Variants in FNBP1L observed in about 807,000 individuals in gnomAD.
FNBP1L encodes the protein formin-binding protein 1-like.
A neutral mutation model predicts 91.2 loss-of-function variants in FNBP1L; 36 were observed. The ratio of observed to expected loss-of-function variants is 0.39; its 90% CI spans 0.30 to 0.52. The LOEUF (loss-of-function observed/expected upper bound fraction) is 0.52. Among genes scored for constraint, FNBP1L ranks in the 20% least tolerant of loss-of-function variants. The pLI is 0.66. For synonymous variants in FNBP1L, 242 were observed against 237.0 expected (o/e 1.02, Z -0.19); for missense variants, 571 against 732.1 (o/e 0.78, Z 2.54).
intron 2 of FNBP1L, among the ~76,000 whole-genome samples, chr1:93,512,349 A>G (rs1670885514): frequency 6.6e-6 from 1 of 151,862 alleles, no homozygotes; most frequent in African/African-American, 2.4e-5. Context: ...CACTGTCAAC[A>G]TTAGACAAAT....
intron 1 of FNBP1L, among the ~76,000 whole-genome samples, chr1:93,471,933 G>A (rs1207242868): frequency 6.6e-6 from 1 of 152,146 alleles, no homozygotes; most frequent in Non-Finnish European, 1.5e-5. Context: ...GTGGGCAGCA[G>A]TTTATAGTTT....
In FNBP1L at chr1:93,499,497, A is replaced by T. The variant is rs1411102289; in HGVS notation, c.54A>T (p.Thr18=). The part of the protein sequence containing the change: ...WDQFDSLDKH[T]QWGIDFLERY... The stretch of plus-strand genomic sequence containing the variant: ...AGTTCGACAGCTTAGACAAGCATAC[A>T]CAATGGGGAATTGACTTCTTGGAAA... Residue 18 remains threonine (T), a synonymous_variant, in exon 2 of 17, where the codon ACA becomes ACT. Coordinates refer to ENST00000271234, the MANE Select transcript of FNBP1L (RefSeq NM_001164473.3). The T allele has an allele frequency of 1.9e-6, 3 of 1,604,256 alleles. No individual in the cohort carries two copies. Among genetic ancestry groups the T allele is most frequent in the Non-Finnish European group, 8.5e-7 (1 of 1,175,540 alleles).
At chr1:93,452,657 G>T (rs1449891880) in intron 1 of FNBP1L, among the ~76,000 whole-genome samples, 1 of 152,172 alleles carries the variant, frequency 6.6e-6, no homozygotes, top group African/African-American at 2.4e-5. Flanking sequence ...TGAACTCTGT[G>T]CTCCACAATC....
At chr1:93,498,987 C>A (rs1401948867) in intron 1 of FNBP1L, among the ~76,000 whole-genome samples, 1 of 152,080 alleles carries the variant, frequency 6.6e-6, no homozygotes, top group Non-Finnish European at 1.5e-5. Context: ...CACTGAGTAC[C>A]TGCTATGGTG....
At chr1:93,464,646 CCAAA>C (rs1321494553) in intron 1 of FNBP1L, among the ~76,000 whole-genome samples, 3 of 152,070 alleles carry the variant, frequency 2.0e-5, no homozygotes, top group East Asian at 3.8e-4. Context: ...TTGTTCTTTT[CCAAA>C]CAGTCAATTT....
intron 1 of FNBP1L, among the ~76,000 whole-genome samples, chr1:93,486,958 T>C (rs1669932197): frequency 6.6e-6 from 1 of 152,198 alleles, no homozygotes; most frequent in Non-Finnish European, 1.5e-5. Context: ...ATTTTTCATA[T>C]CCTTTCTCTC....
At chr1:93,451,709 T>C (rs1309257533) in intron 1 of FNBP1L, among the ~76,000 whole-genome samples, 1 of 152,136 alleles carries the variant, frequency 6.6e-6, no homozygotes, top group Non-Finnish European at 1.5e-5. Flanking sequence ...TGGAGTGCAG[T>C]GGTGCGATCT....
chr1:93,454,305 A>T (rs1332773806), intron 1 of FNBP1L, among the ~76,000 whole-genome samples: 1 of 151,152 alleles, frequency 6.6e-6, no homozygotes, highest in Non-Finnish European at 1.5e-5. Context: ...TGCTTGATTC[A>T]TGAACCTCTT....
At chr1:93,494,648 A>C (rs912207848) in intron 1 of FNBP1L, among the ~76,000 whole-genome samples, 15 of 152,224 alleles carry the variant, frequency 9.9e-5, no homozygotes, top group African/African-American at 3.6e-4. Context: ...TCAGGGAATA[A>C]GGGTTTTAGA....
chr1:93,536,333 C>T lies in FNBP1L; in HGVS notation c.992C>T (p.Pro331Leu). ...TTCCTTTCTTTATTTCCATATTAGC[C>T]ACAGTCCCCACCCTTAACCCCTACT... is the stretch of plus-strand genomic sequence containing the variant. ...KLWLFGKKPK[P>L]QSPPLTPTSL... Residue 331 changes from proline (P) to leucine (L), a missense_variant and splice_region_variant, in exon 10 of 17, where the codon CCA becomes CTA. Physicochemically the swap from Pro to Leu is moderately conservative, Grantham distance 98. Coordinates refer to ENST00000271234, the MANE Select transcript of FNBP1L (RefSeq NM_001164473.3). The T allele has an allele frequency of 6.8e-7, 1 of 1,472,864 alleles. No individual in the cohort carries two copies. 91.2% of individuals were successfully genotyped at this position (1,472,864 alleles called of 1,614,324 possible).
chr1:93,488,927 GGTTATTA>G (rs1458145486), intron 1 of FNBP1L, among the ~76,000 whole-genome samples: 1 of 152,192 alleles, frequency 6.6e-6, no homozygotes, highest in East Asian at 1.9e-4. Context: ...TAGGAGGCAA[GGTTATTA>G]GCTAAGAGTG....
chr1:93,514,698 G>T (rs1231829928), intron 2 of FNBP1L, among the ~76,000 whole-genome samples: 1 of 151,922 alleles, frequency 6.6e-6, no homozygotes, highest in Non-Finnish European at 1.5e-5. Flanking sequence ...ATGGTGCTGG[G>T]AAAACTGGCT....
intron 1 of FNBP1L, among the ~76,000 whole-genome samples, chr1:93,480,940 T>C (rs898230108): frequency 6.6e-6 from 1 of 152,152 alleles, no homozygotes; most frequent in Non-Finnish European, 1.5e-5. Context: ...CCAGATTGTA[T>C]CTCACATCTT....
intron 9 of FNBP1L, 81 bp downstream of exon 9, chr1:93,534,989 T>C (rs1445712787): frequency 6.5e-6 from 7 of 1,072,290 alleles, no homozygotes; most frequent in African/African-American, 1.6e-5. Flanking sequence ...GCAAAATGAT[T>C]TACCATTAAT....
At chr1:93,463,778 T>A (rs1277873486) in intron 1 of FNBP1L, among the ~76,000 whole-genome samples, 1 of 152,188 alleles carries the variant, frequency 6.6e-6, no homozygotes, top group East Asian at 1.9e-4. Flanking sequence ...GCTCTTCGTT[T>A]CCAGAGTTAC....
intron 7 of FNBP1L, among the ~76,000 whole-genome samples, chr1:93,531,208 T>C (rs1048157849): frequency 6.6e-6 from 1 of 152,238 alleles, no homozygotes; most frequent in African/African-American, 2.4e-5. Flanking sequence ...AGAATTGAGA[T>C]GTAGCATTTT....
In FNBP1L at chr1:93,513,063, G is replaced by A. The variant is rs565132236; in HGVS notation, c.141-9019G>A. 1.6e-3 allele frequency among the ~76,000 whole-genome samples: 249 copies of A among 152,002 alleles called. 1 individual carries two copies. The Middle Eastern group carries it at 0.017, about 10-fold the overall frequency. On this transcript the variant is annotated intron_variant, in intron 2 of 16. Transcript: ENST00000271234. ...AAAAAGAGAGAAGAATCAAATAGAC[G>A]CAATAAAAAATGATAAAGGGGATAT... is the stretch of plus-strand genomic sequence containing the variant.
At chr1:93,522,525 A>T (rs1249858811) in intron 3 of FNBP1L, among the ~76,000 whole-genome samples, 1 of 151,904 alleles carries the variant, frequency 6.6e-6, no homozygotes, top group Non-Finnish European at 1.5e-5. Context: ...AAAAGCACTG[A>T]GAGTTTTTGC....
At chr1:93,497,656 A>T (rs534633225) in intron 1 of FNBP1L, among the ~76,000 whole-genome samples, 1 of 152,130 alleles carries the variant, frequency 6.6e-6, no homozygotes, top group Non-Finnish European at 1.5e-5. Flanking sequence ...GTCTCACTCT[A>T]TTGCCCAGAC....
Sources: allele counts gnomAD v4.1 joint callset (sites outside exome capture counted in the v4.1 genomes callset), GRCh38; gene constraint gnomAD v4.1.1; transcripts MANE v1.5; gene names NCBI Gene and HGNC (gene_info 2026-07-23, HGNC 2026-07-21).